TOGARAM1: variants seen among roughly 807,000 people sequenced by gnomAD.
The protein encoded by TOGARAM1 is TOG array regulator of axonemal microtubules 1.
TOGARAM1 carries 100 observed loss-of-function variants against 166.6 expected under a neutral mutation model. The observed-to-expected ratio is 0.60, with a 90% CI of 0.51 to 0.71. The LOEUF (loss-of-function observed/expected upper bound fraction) is 0.71, where lower values mean the gene tolerates loss of function less well. Among genes scored for constraint, TOGARAM1 ranks in the 30% least tolerant of loss-of-function variants. The pLI is 0.00. For missense variants in TOGARAM1, 2,029 were observed against 2,102.7 expected, an observed-to-expected ratio of 0.96 and a Z score of 0.69; for synonymous variants, 758 against 763.8, an observed-to-expected ratio of 0.99 and a Z score of 0.13.
intron 3 of TOGARAM1, among the ~76,000 whole-genome samples, chr14:44,999,974 C>T (rs563584614): frequency 3.3e-5 from 5 of 152,050 alleles, no homozygotes; most frequent in African/African-American, 1.2e-4. Flanking sequence ...GATCTTACTC[C>T]TTCTTATTTT....
rs1367091007 is a variant in TOGARAM1 at position 44,995,746 on chromosome 14, T to A, written c.2047T>A (p.Phe683Ile). 1 of 1,551,936 alleles carries A rather than the reference T, an allele frequency of 6.4e-7. No individual in the cohort carries two copies. ...CTAATTTATGATTCTGTTCTTATAG[T>A]TTTCAACATATGATTTCATCCCATC... The part of the protein sequence containing the change: ...QTSTSKDIEQ[F>I]STYDFIPSAK... Residue 683 changes from phenylalanine (F) to isoleucine (I), a missense_variant and splice_region_variant, in exon 2 of 20, where the codon TTT (phenylalanine) becomes ATT (isoleucine). This residue lies in a region of TOGARAM1 where 1,453 missense variants were observed against 1,432.2 expected (regional missense o/e 1.01). Coordinates refer to ENST00000361462, the MANE Select transcript of TOGARAM1 (RefSeq NM_001308120.2).
rs1188710469 is a variant in TOGARAM1, at chr14:45,032,302, G to A, written c.3738G>A (p.Leu1246=). Reference sequence around the variant, plus strand: ...CTCATAGTCCAGAAATAATGGATCTGTCAGAACTACGACCATTCTCTAAAC... The same window carrying A: ...CTCATAGTCCAGAAATAATGGATCTATCAGAACTACGACCATTCTCTAAAC... The part of the protein sequence containing the change: ...SVTHSPEIMD[L]SELRPFSKPE... Residue 1246 remains leucine (L), a synonymous_variant, in exon 11 of 20, where the codon CTG becomes CTA. Transcript: ENST00000361462. The A allele has an allele frequency of 6.2e-7, 1 of 1,613,976 alleles. No homozygotes were observed. The highest frequency in any genetic ancestry group is 1.7e-5 in the Admixed American group (1 of 59,986).
intron 14 of TOGARAM1, among the ~76,000 whole-genome samples, chr14:45,051,332 C>T (rs1882354242): frequency 6.6e-6 from 1 of 152,132 alleles, no homozygotes; most frequent in Non-Finnish European, 1.5e-5. Context: ...AGGGTTGACT[C>T]AGGCCAGAAC....
Position 44,962,594 on chromosome 14 carries a change from G to C in TOGARAM1, c.173G>C (p.Gly58Ala), listed in dbSNP as rs147521605. The C allele has an allele frequency of 3.7e-6, 6 of 1,613,662 alleles. No homozygotes were observed. In the African/African-American group the frequency reaches 8.0e-5, roughly 22 times the overall value. The change falls in exon 1 of 20, where the codon GGT (glycine) becomes GCT (alanine). Residue 58 changes from glycine to alanine, a missense_variant. Around this residue, in one of 2 missense-constraint regions of TOGARAM1, gnomAD observed 1,453 missense variants for 1,432.2 expected, o/e 1.01. Coordinates refer to ENST00000361462, the MANE Select transcript of TOGARAM1 (RefSeq NM_001308120.2). ...YYFRGAAGDHGSCPTTTSPLA... is the reference protein window; with the variant it reads ...YYFRGAAGDHASCPTTTSPLA... Reference sequence around the variant, plus strand: ...TTCCGTGGAGCTGCGGGGGACCACGGTTCCTGCCCCACTACAACTTCGCCT... The same window carrying C: ...TTCCGTGGAGCTGCGGGGGACCACGCTTCCTGCCCCACTACAACTTCGCCT...
rs1015760925 is a variant in TOGARAM1 at position 45,051,553 on chromosome 14, CTTTTT to C, written c.4314-863_4314-859del. ...GATTATGGGAGCATCCCAACAGATG[CTTTTT>C]TTTTTTTTTTTTTTTTTTTGAGACG... On this transcript the variant is annotated intron_variant, in intron 14 of 19. Transcript: ENST00000361462. Among the ~76,000 whole-genome samples the C allele has an allele frequency of 2.1e-3, 191 of 90,054 alleles. 1 individual carries two copies. Among genetic ancestry groups the C allele is most frequent in the African/African-American group, 8.8e-3 (177 of 20,100 alleles). 59.1% of individuals were successfully genotyped at this position (90,054 alleles called of 152,430 possible).
chr14:45,071,851 A>G (rs1240384752), intron 19 of TOGARAM1, 53 bp downstream of exon 19: 1 of 1,342,256 alleles, frequency 7.5e-7, no homozygotes. Context: ...GGATAAACTG[A>G]TAAACTGTTT....
chr14:45,013,994 A>C (rs1879964990), intron 7 of TOGARAM1, among the ~76,000 whole-genome samples: 1 of 151,890 alleles, frequency 6.6e-6, no homozygotes, highest in East Asian at 1.9e-4. Flanking sequence ...ATAATAGTAT[A>C]ATACATACTT....
rs530818170 is a variant in TOGARAM1 at position 44,962,564 on chromosome 14, A to T, written c.143A>T (p.Tyr48Phe). The T allele has an allele frequency of 6.2e-7, 1 of 1,613,996 alleles. No individual in the cohort carries two copies. The highest frequency in any genetic ancestry group is 1.3e-5 in the African/African-American group (1 of 75,034). ...GGCATTATGAGAGGAGAGAAAAACT[A>T]CTACTTCCGTGGAGCTGCGGGGGAC... ...VGGIMRGEKN[Y>F]YFRGAAGDHG... Residue 48 changes from tyrosine (Y) to phenylalanine (F), a missense_variant, in exon 1 of 20, where the codon TAC becomes TTC. Tyr to Phe is a conservative substitution (Grantham distance 22, BLOSUM62 3). Transcript: ENST00000361462.
intron 7 of TOGARAM1, 197 bp from the exon 8 acceptor site, chr14:45,025,586 G>T: frequency 2.4e-6 from 1 of 417,052 alleles, no homozygotes; most frequent in Non-Finnish European, 4.2e-6. Context: ...AAAAGGAAAG[G>T]AAGGTTTAAG....
At chr14:44,995,431 G>C in intron 1 of TOGARAM1, 1 of 461,626 alleles carries the variant, frequency 2.2e-6, no homozygotes, top group South Asian at 1.6e-5. Context: ...GAGGGGTTAC[G>C]CTGCTCCGTC....
intron 11 of TOGARAM1, among the ~76,000 whole-genome samples, chr14:45,039,359 C>A (rs897081205): frequency 3.7e-4 from 57 of 152,258 alleles, no homozygotes; most frequent in African/African-American, 1.4e-3. Context: ...GTGGAACTAG[C>A]AGCCCACTCC....
intron 13 of TOGARAM1, among the ~76,000 whole-genome samples, chr14:45,045,240 C>A (rs1377834925): frequency 1.3e-5 from 2 of 151,402 alleles, no homozygotes; most frequent in African/African-American, 4.8e-5. Flanking sequence ...ATAGTGAATT[C>A]TGAGATTTTT....
intron 16 of TOGARAM1, among the ~76,000 whole-genome samples, chr14:45,055,530 C>A (rs1470479493): frequency 1.3e-5 from 2 of 151,964 alleles, no homozygotes; most frequent in Non-Finnish European, 2.9e-5. Context: ...GCTGGCTGGG[C>A]GCCATGGCTC....
intron 8 of TOGARAM1, 80 bp from the exon 9 acceptor site, chr14:45,027,219 A>C: frequency 1.4e-6 from 2 of 1,409,208 alleles, no homozygotes; most frequent in Non-Finnish European, 2.0e-6. Context: ...CTTGAAGGCA[A>C]GAGCCTTGCC....
intron 1 of TOGARAM1, among the ~76,000 whole-genome samples, chr14:44,993,045 T>G (rs904945920): frequency 6.6e-6 from 1 of 151,778 alleles, no homozygotes; most frequent in Non-Finnish European, 1.5e-5. Flanking sequence ...GGCAGATCAT[T>G]TGAGCTTGAC....
At chr14:45,028,128 A>T (rs753574353) in intron 9 of TOGARAM1, 48 bp from the exon 10 acceptor site, 105 of 1,491,620 alleles carry the variant, frequency 7.0e-5, no homozygotes, top group Admixed American at 1.4e-4. Flanking sequence ...AGATATTTTA[A>T]ATATCAAAGT....
intron 19 of TOGARAM1, among the ~76,000 whole-genome samples, chr14:45,072,331 G>A (rs1883422286): frequency 6.6e-6 from 1 of 152,132 alleles, no homozygotes; most frequent in Non-Finnish European, 1.5e-5. Context: ...GGCCGGACTG[G>A]GTTGTAAATT....
At position 45,009,280 on chromosome 14, in the gene TOGARAM1, TG is replaced by T. The variant is rs113038794; in HGVS notation, c.3137+137del. On this transcript the variant is annotated intron_variant, in intron 6 of 19. Transcript: ENST00000361462. ...ATGTTAAAATATATTTAAAAGACAT[TG>T]GAAATGTTTACAGATATTACCTTGC... 10,058 of 728,004 alleles carry T rather than the reference TG, an allele frequency of 0.014. 733 individuals carry two copies. In the African/African-American group the frequency reaches 0.16, roughly 12 times the overall value. The allele number at this position is 728,004 out of a possible 1,614,324, so 45.1% of individuals were successfully genotyped here. A position where few individuals can be genotyped will look rare whatever the true frequency, so the allele number is the denominator to read the frequency against.
intron 16 of TOGARAM1, among the ~76,000 whole-genome samples, chr14:45,056,230 C>T (rs527988498): frequency 6.6e-5 from 10 of 152,084 alleles, no homozygotes; most frequent in Admixed American, 6.5e-4. Context: ...GATTTTGTAT[C>T]TTGACATTTT....
Sources: gnomAD v4.1 joint callset for allele counts (sites outside exome capture counted in the v4.1 genomes callset) on GRCh38, gnomAD v4.1.1 for gene constraint, gnomAD v4.1.1 regional missense constraint, MANE v1.5 for transcripts, NCBI Gene and HGNC (gene_info 2026-07-23, HGNC 2026-07-21) for gene names.